BMPER: variants seen among roughly 807,000 people sequenced by gnomAD.
BMPER encodes the protein BMP-binding endothelial regulator protein.
Under a neutral mutation model 87.3 loss-of-function variants are expected in BMPER, and 45 were observed. The observed-to-expected ratio is 0.52, with a 90% CI of 0.41 to 0.66. The LOEUF (loss-of-function observed/expected upper bound fraction) is 0.66. Ranked by LOEUF, BMPER falls within the 30% of genes least tolerant of loss-of-function variation. BMPER has a pLI of 0.00. For missense variants in BMPER, 784 were observed against 867.5 expected (o/e 0.90, Z 1.21); for synonymous variants, 326 against 316.2 (o/e 1.03, Z -0.33).
chr7:33,961,934 T>C (rs1427480), intron 3 of BMPER, among the ~76,000 whole-genome samples: 21,048 of 152,058 alleles, frequency 0.14, 1,935 homozygotes, highest in East Asian at 0.24. Flanking sequence ...TTATTCATAA[T>C]GGTAAGATCC....
At chr7:34,027,877 A>G (rs1390284729) in intron 6 of BMPER, among the ~76,000 whole-genome samples, 7 of 152,116 alleles carry the variant, frequency 4.6e-5, no homozygotes, top group African/African-American at 1.7e-4. Context: ...TTTATTTTTG[A>G]TATTTTATAA....
chr7:34,156,410 T>C lies in BMPER; in HGVS notation c.*3137T>C, dbSNP rs80351355. 0.016 allele frequency among the ~76,000 whole-genome samples: 2,468 copies of C among 152,290 alleles called. 43 individuals are homozygous for C. The highest frequency in any genetic ancestry group is 0.027 in the Non-Finnish European group (1,867 of 68,022). On this transcript the variant is annotated 3_prime_UTR_variant, in exon 15 of 15. Coordinates refer to ENST00000649409, the MANE Select transcript of BMPER (RefSeq NM_001365308.1). Reference sequence around the variant, plus strand: ...GAATCAATAAATAAAACCTAATAAATGCTGTCTCATGGTTGCACAGCTGTT... The same window carrying C: ...GAATCAATAAATAAAACCTAATAAACGCTGTCTCATGGTTGCACAGCTGTT...
chr7:34,138,228 G>C (rs562170335), intron 13 of BMPER, among the ~76,000 whole-genome samples: 1 of 152,316 alleles, frequency 6.6e-6, no homozygotes, highest in African/African-American at 2.4e-5. Flanking sequence ...TTTGATGCGG[G>C]AAAATAGTTC....
intron 2 of BMPER, among the ~76,000 whole-genome samples, chr7:33,912,530 C>A (rs1783990740): frequency 6.6e-6 from 1 of 152,028 alleles, no homozygotes; most frequent in South Asian, 2.1e-4. Context: ...GACTAGAATG[C>A]AAATAGGGGG....
At chr7:33,931,464 C>G (rs747008059) in intron 2 of BMPER, among the ~76,000 whole-genome samples, 1 of 152,200 alleles carries the variant, frequency 6.6e-6, no homozygotes, top group Non-Finnish European at 1.5e-5. Flanking sequence ...CTACAGAGAT[C>G]TTTAGAAGAA....
At chr7:34,023,612 G>T (rs544306626) in intron 6 of BMPER, among the ~76,000 whole-genome samples, 13 of 152,114 alleles carry the variant, frequency 8.5e-5, no homozygotes, top group African/African-American at 2.4e-4. Flanking sequence ...CTTCTGAGGA[G>T]GGCCTAAATG....
chr7:34,079,731 G>A (rs2127974342), intron 12 of BMPER, among the ~76,000 whole-genome samples: 1 of 152,256 alleles, frequency 6.6e-6, no homozygotes, highest in Non-Finnish European at 1.5e-5. Context: ...CTTGTTCTTG[G>A]CAGACTCTGG....
At chr7:34,023,479 A>C (rs908835546) in intron 6 of BMPER, among the ~76,000 whole-genome samples, 1 of 152,030 alleles carries the variant, frequency 6.6e-6, no homozygotes, top group South Asian at 2.1e-4. Flanking sequence ...CCTCTGAGCT[A>C]TCTGTCCTTC....
intron 12 of BMPER, among the ~76,000 whole-genome samples, chr7:34,085,497 A>G (rs543671632): frequency 6.6e-6 from 1 of 152,332 alleles, no homozygotes; most frequent in East Asian, 1.9e-4. Context: ...CTGTAGGTCA[A>G]ACCAGGGGTA....
chr7:33,907,724 A>G (rs1783857623), intron 2 of BMPER, among the ~76,000 whole-genome samples: 1 of 152,234 alleles, frequency 6.6e-6, no homozygotes, highest in Admixed American at 6.5e-5. Flanking sequence ...AAATTTGGTT[A>G]GAAACTACAC....
intron 7 of BMPER, among the ~76,000 whole-genome samples, chr7:34,047,743 C>T (rs1376699163): frequency 6.6e-6 from 1 of 151,936 alleles, no homozygotes; most frequent in Non-Finnish European, 1.5e-5. Context: ...TCCCTAATCG[C>T]CTCTGGCTTG....
intron 14 of BMPER, among the ~76,000 whole-genome samples, chr7:34,145,816 G>A (rs1791002273): frequency 6.6e-6 from 1 of 152,128 alleles, no homozygotes; most frequent in African/African-American, 2.4e-5. Flanking sequence ...CCATTTCAGT[G>A]CACACGTTGC....
At chr7:34,013,099 T>A (rs1786925588) in intron 6 of BMPER, among the ~76,000 whole-genome samples, 2 of 151,722 alleles carry the variant, frequency 1.3e-5, no homozygotes, top group South Asian at 4.2e-4. Context: ...AACATTGTGC[T>A]CAATCCCTTC....
intron 6 of BMPER, among the ~76,000 whole-genome samples, chr7:34,023,191 C>A (rs1787244073): frequency 6.6e-6 from 1 of 151,994 alleles, no homozygotes; most frequent in Non-Finnish European, 1.5e-5. Flanking sequence ...ACTTGTTGAC[C>A]CTGCTCATAG....
chr7:34,084,421 A>G (rs988677767), intron 12 of BMPER, among the ~76,000 whole-genome samples: 28 of 152,160 alleles, frequency 1.8e-4, no homozygotes, highest in African/African-American at 5.8e-4. Context: ...GAGAAGTCCC[A>G]GGGCCGAAAT....
At chr7:33,985,053 G>A (rs982093791) in intron 6 of BMPER, among the ~76,000 whole-genome samples, 10 of 152,262 alleles carry the variant, frequency 6.6e-5, no homozygotes, top group African/African-American at 2.4e-4. Context: ...AAATGAAGAG[G>A]AATTCACTTT....
chr7:34,091,775 T>G lies in BMPER; in HGVS notation c.1745+5683T>G, dbSNP rs549628636. Among the ~76,000 whole-genome samples the G allele has an allele frequency of 2.0e-5, 3 of 152,324 alleles. No individual in the cohort carries two copies. In the South Asian group the frequency reaches 6.2e-4, roughly 32 times the overall value. ...TCACCAAGGTCTGATTGAAAAAATT[T>G]TTTAAAAATGCAACCTCAGGCATGA... On this transcript the variant is annotated intron_variant, in intron 13 of 14. Transcript: ENST00000649409.
rs1047622937 is a variant in BMPER, at chr7:34,058,291, A to G, written c.1032+128A>G. The G allele has an allele frequency of 8.8e-5, 77 of 870,642 alleles. No individual in the cohort carries two copies. In the East Asian group the frequency reaches 2.0e-3, roughly 23 times the overall value. The allele number at this position is 870,642 out of a possible 1,614,324, so 53.9% of individuals were successfully genotyped here. On this transcript the variant is annotated intron_variant, in intron 10 of 14. Transcript: ENST00000649409. ...AAAGCCTCTACATTCCTGACTAGTC[A>G]AATGCCTCTTGCAAAGTTTGCTCAT...
At chr7:33,991,167 A>G (rs1786204916) in intron 6 of BMPER, among the ~76,000 whole-genome samples, 1 of 148,078 alleles carries the variant, frequency 6.8e-6, no homozygotes, top group African/African-American at 2.5e-5. Context: ...TTTTCTATTG[A>G]TTGGAATAGT....
Sources: gnomAD v4.1 joint callset for allele counts (sites outside exome capture counted in the v4.1 genomes callset) on GRCh38, gnomAD v4.1.1 for gene constraint, MANE v1.5 for transcripts, NCBI Gene and HGNC (gene_info 2026-07-23, HGNC 2026-07-21) for gene names.